The following SCN7A variants were observed in gnomAD, a reference collection of about 807,000 sequenced individuals.
SCN7A encodes sodium channel protein type 7 subunit alpha.
SCN7A carries 138 observed loss-of-function variants against 155.2 expected under a neutral mutation model. The observed-to-expected ratio is 0.89, with a 90% CI of 0.77 to 1.02. SCN7A has a LOEUF of 1.02. Ranked by LOEUF, SCN7A falls within the 50% of genes least tolerant of loss-of-function variation. The pLI is 0.00. For missense variants in SCN7A, 2,058 were observed against 1,986.6 expected (o/e 1.04, Z -0.68); for synonymous variants, 693 against 649.0 (o/e 1.07, Z -1.03).
chr2:166,457,164 A>G (rs748706331), intron 10 of SCN7A, 88 bp from the exon 11 acceptor site: 1 of 888,068 alleles, frequency 1.1e-6, no homozygotes, highest in Admixed American at 2.8e-5. Context: ...GCAAAATTTT[A>G]TTAGGAAAAT....
At chr2:166,488,882 C>T (rs1001568778) in intron 1 of SCN7A, among the ~76,000 whole-genome samples, 13 of 152,176 alleles carry the variant, frequency 8.5e-5, no homozygotes, top group Admixed American at 7.9e-4. Context: ...AGGTGATCTG[C>T]CCACCTCAGC....
chr2:166,429,505 T>C, intron 16 of SCN7A, among the ~76,000 whole-genome samples: 1 of 152,098 alleles, frequency 6.6e-6, no homozygotes, highest in East Asian at 1.9e-4. Context: ...AAATAACATT[T>C]AGATTAAAAT....
At chr2:166,464,340 G>T (rs1702481055) in intron 9 of SCN7A, among the ~76,000 whole-genome samples, 1 of 152,146 alleles carries the variant, frequency 6.6e-6, no homozygotes, top group South Asian at 2.1e-4. Flanking sequence ...CAGAGTGTAA[G>T]AAAGAACTGA....
At chr2:166,424,637 G>T (rs1401779620) in intron 18 of SCN7A, among the ~76,000 whole-genome samples, 1 of 151,806 alleles carries the variant, frequency 6.6e-6, no homozygotes, top group Non-Finnish European at 1.5e-5. Flanking sequence ...AAAATAATGG[G>T]TCATCAAAAT....
In SCN7A at chr2:166,436,869, C is replaced by A. The variant is rs373300585; in HGVS notation, c.2158-4117G>T. ...CCCTAGAGATCTGTGGAACTTTGAACTTGAGAGAGATGATTTCGGGTATCT... is the reference window on the plus strand; with the variant it reads ...CCCTAGAGATCTGTGGAACTTTGAAATTGAGAGAGATGATTTCGGGTATCT... On this transcript the variant is annotated intron_variant, in intron 15 of 25. Transcript: ENST00000643258. Among the ~76,000 whole-genome samples, 32 of 152,200 alleles carry A rather than the reference C, an allele frequency of 2.1e-4. 1 individual carries two copies. In the East Asian group the frequency reaches 3.7e-3, roughly 18 times the overall value.
chr2:166,406,751 T>A (rs1231034125), intron 25 of SCN7A, 105 bp from the exon 26 acceptor site: 6 of 789,540 alleles, frequency 7.6e-6, no homozygotes, highest in Non-Finnish European at 1.2e-5. Flanking sequence ...GTTTTATTAA[T>A]CCTTTATTGA....
intron 18 of SCN7A, among the ~76,000 whole-genome samples, chr2:166,426,243 A>C (rs1701621654): frequency 6.6e-6 from 1 of 152,102 alleles, no homozygotes; most frequent in African/African-American, 2.4e-5. Context: ...AAGATACTAA[A>C]ATAGGTTGAC....
At chr2:166,475,119 T>TATATAC (rs763878028) in intron 3 of SCN7A, among the ~76,000 whole-genome samples, 8,456 of 130,052 alleles carry the variant, frequency 0.065, 356 homozygotes, top group African/African-American at 0.088. Flanking sequence ...TATATATATA[T>TATATAC]ACATATATAT....
intron 15 of SCN7A, chr2:166,440,551 G>A (rs1359023647): frequency 1.3e-5 from 2 of 151,838 alleles, no homozygotes; most frequent in African/African-American, 4.8e-5. Context: ...ATTTCCAGTG[G>A]CCACATAGAA....
At chr2:166,468,998 T>C (rs937474695) in intron 7 of SCN7A, among the ~76,000 whole-genome samples, 4 of 151,286 alleles carry the variant, frequency 2.6e-5, no homozygotes, top group Non-Finnish European at 4.4e-5. Context: ...TAAGTGTGTA[T>C]TGTAGTTATT....
intron 2 of SCN7A, among the ~76,000 whole-genome samples, chr2:166,484,452 C>G (rs1298631290): frequency 7.9e-5 from 12 of 151,324 alleles, no homozygotes; most frequent in Admixed American, 7.9e-4. Flanking sequence ...ATATAAATAG[C>G]TGAAACTCAG....
At chr2:166,463,785 T>C (rs752113959) in intron 9 of SCN7A, among the ~76,000 whole-genome samples, 2 of 152,000 alleles carry the variant, frequency 1.3e-5, no homozygotes, top group Non-Finnish European at 2.9e-5. Context: ...GCAGGGTGCA[T>C]TGGTTCATAC....
At chr2:166,481,798 T>A (rs542074852) in intron 2 of SCN7A, among the ~76,000 whole-genome samples, 1 of 152,290 alleles carries the variant, frequency 6.6e-6, no homozygotes, top group South Asian at 2.1e-4. Context: ...AAAACTCAAG[T>A]ACAATCTTAC....
At chr2:166,491,639 T>C (rs1204017943) in intron 1 of SCN7A, among the ~76,000 whole-genome samples, 2 of 149,974 alleles carry the variant, frequency 1.3e-5, no homozygotes, top group East Asian at 4.0e-4. Context: ...TGGTTAGTCC[T>C]CACTAACAGA....
chr2:166,421,782 T>C (rs949846861), intron 19 of SCN7A, among the ~76,000 whole-genome samples: 3 of 152,070 alleles, frequency 2.0e-5, no homozygotes, highest in Non-Finnish European at 4.4e-5. Context: ...ATATGAATAT[T>C]GTTAAGTCAA....
At chr2:166,414,315 C>CATAT (rs796872360) in intron 21 of SCN7A, among the ~76,000 whole-genome samples, 10 of 76,624 alleles carry the variant, frequency 1.3e-4, no homozygotes, top group Admixed American at 3.6e-4. Flanking sequence ...TATATATACA[C>CATAT]ATATATATAT....
chr2:166,465,675 C>T, intron 8 of SCN7A, 106 bp downstream of exon 8: 1 of 1,346,700 alleles, frequency 7.4e-7, no homozygotes, highest in Non-Finnish European at 1.1e-6. Context: ...TCAACCAGCG[C>T]CTTTGGGAAT....
At chr2:166,470,821 T>C (rs1306420073) in intron 6 of SCN7A, 115 bp from the exon 7 acceptor site, 1 of 810,044 alleles carries the variant, frequency 1.2e-6, no homozygotes, top group Non-Finnish European at 1.8e-6. Flanking sequence ...ACATTTCCCT[T>C]GATCACATGA....
intron 23 of SCN7A, among the ~76,000 whole-genome samples, chr2:166,410,746 T>C (rs1345140583): frequency 6.6e-6 from 1 of 152,024 alleles, no homozygotes; most frequent in Non-Finnish European, 1.5e-5. Flanking sequence ...TTTATATGAC[T>C]ATATATTGCT....
Sources: allele counts gnomAD v4.1 joint callset (sites outside exome capture counted in the v4.1 genomes callset), GRCh38; gene constraint gnomAD v4.1.1; transcripts MANE v1.5; gene names NCBI Gene and HGNC (gene_info 2026-07-23, HGNC 2026-07-21).